The following KLF8 variants were observed in gnomAD, a reference collection of about 807,000 sequenced individuals.
The protein encoded by KLF8 is KLF transcription factor 8.
A neutral mutation model predicts 18.2 loss-of-function variants in KLF8; 10 were observed. The observed-to-expected ratio is 0.55, with a 90% confidence interval of 0.34 to 0.93. The LOEUF (loss-of-function observed/expected upper bound fraction) is 0.93, where lower values mean the gene tolerates loss of function less well. Among genes scored for constraint, KLF8 ranks in the 40% least tolerant of loss-of-function variants. KLF8 has a pLI of 0.02. For synonymous variants in KLF8, 109 were observed against 97.3 expected (o/e 1.12, Z -0.71); for missense variants, 264 against 277.9 (o/e 0.95, Z 0.36).
In KLF8 at chrX:56,289,602, G is replaced by A. The variant is rs1304037180; in HGVS notation, c.*5108G>A. Reference sequence around the variant, plus strand: ...GTTTTCAACTCTAACCTGTTACCACGTGAATCATTCTAGCTTCTTCCTGTT... The same window carrying A: ...GTTTTCAACTCTAACCTGTTACCACATGAATCATTCTAGCTTCTTCCTGTT... On this transcript the variant is annotated 3_prime_UTR_variant, in exon 6 of 6. Transcript: ENST00000468660. 1.8e-5 allele frequency among the ~76,000 whole-genome samples: 2 copies of A among 111,319 alleles called. No homozygotes were observed. Among genetic ancestry groups the A allele is most frequent in the African/African-American group, 3.3e-5 (1 of 30,643 alleles).
the KLF8 span, among the ~76,000 whole-genome samples, chrX:56,174,142 A>G: frequency 9.0e-6 from 1 of 111,383 alleles, no homozygotes; most frequent in Non-Finnish European, 1.9e-5. Flanking sequence ...ATTTAATAGG[A>G]GTGGTGAGAG....
the KLF8 span, among the ~76,000 whole-genome samples, chrX:55,955,680 C>T: frequency 9.0e-6 from 1 of 111,172 alleles, no homozygotes; most frequent in Non-Finnish European, 1.9e-5. Context: ...CTCAGCATTT[C>T]GTTAGGTTCT....
the KLF8 span, among the ~76,000 whole-genome samples, chrX:56,169,518 G>T: frequency 9.0e-6 from 1 of 110,817 alleles, no homozygotes; most frequent in African/African-American, 3.3e-5. Context: ...GCTGACTGAA[G>T]AGCCTTAAGA....
At chrX:56,039,668 C>T in the KLF8 span, among the ~76,000 whole-genome samples, 4 of 111,472 alleles carry the variant, frequency 3.6e-5, no homozygotes, top group African/African-American at 6.5e-5. Flanking sequence ...AGCATGATGC[C>T]CCCAGTTTTG....
At chrX:55,974,597 A>C in the KLF8 span, among the ~76,000 whole-genome samples, 28 of 112,493 alleles carry the variant, frequency 2.5e-4, no homozygotes, top group Admixed American at 2.4e-3. Context: ...TCAGATAAAT[A>C]AATATTTGCT....
At chrX:56,109,037 T>C in the KLF8 span, among the ~76,000 whole-genome samples, 1 of 111,700 alleles carries the variant, frequency 9.0e-6, no homozygotes, top group Non-Finnish European at 1.9e-5. Flanking sequence ...CATTTCATTG[T>C]CGCCAGAGAT....
intron 5 of KLF8, among the ~76,000 whole-genome samples, chrX:56,274,873 T>C (rs1184958978): frequency 8.9e-6 from 1 of 112,115 alleles, no homozygotes; most frequent in Non-Finnish European, 1.9e-5. Context: ...GTGTCTGTTA[T>C]ATGCCAGCAG....
At chrX:56,081,588 T>G in the KLF8 span, among the ~76,000 whole-genome samples, 9,084 of 111,915 alleles carry the variant, frequency 0.081, 896 homozygotes, top group African/African-American at 0.28. Flanking sequence ...GTCTTTCACT[T>G]TTGTGTATGA....
chrX:56,197,320 G>A, the KLF8 span, among the ~76,000 whole-genome samples: 1 of 110,192 alleles, frequency 9.1e-6, no homozygotes, highest in African/African-American at 3.3e-5. Context: ...TTTTTGAAAA[G>A]ATCAACAAAA....
the KLF8 span, among the ~76,000 whole-genome samples, chrX:56,008,405 C>T: frequency 9.0e-6 from 1 of 111,020 alleles, no homozygotes; most frequent in African/African-American, 3.3e-5. Context: ...GGACTGATGG[C>T]CCACCCGGGA....
the KLF8 span, among the ~76,000 whole-genome samples, chrX:55,952,615 A>T: frequency 1.8e-5 from 2 of 112,068 alleles, no homozygotes; most frequent in Admixed American, 1.9e-4. Context: ...TGGGTAATCT[A>T]GGATAATTTG....
At chrX:56,092,998 C>A in the KLF8 span, among the ~76,000 whole-genome samples, 5 of 94,861 alleles carry the variant, frequency 5.3e-5, no homozygotes, top group Admixed American at 1.2e-4. Flanking sequence ...AACTTAAATG[C>A]AAAGAAGAAA....
At chrX:56,071,425 T>C in the KLF8 span, among the ~76,000 whole-genome samples, 1 of 111,190 alleles carries the variant, frequency 9.0e-6, no homozygotes, top group African/African-American at 3.3e-5. Flanking sequence ...ATAAAATAAA[T>C]TATATTAGTG....
At chrX:55,986,289 T>G in the KLF8 span, among the ~76,000 whole-genome samples, 5 of 112,147 alleles carry the variant, frequency 4.5e-5, no homozygotes, top group Non-Finnish European at 9.4e-5. Context: ...TAAATGGCTC[T>G]TATAAATTTG....
At chrX:55,966,718 C>A in the KLF8 span, among the ~76,000 whole-genome samples, 1 of 111,631 alleles carries the variant, frequency 9.0e-6, no homozygotes, top group East Asian at 2.8e-4. Flanking sequence ...TTTGCAGTCA[C>A]TGATGAACAT....
At chrX:56,009,315 G>A in the KLF8 span, among the ~76,000 whole-genome samples, 9,435 of 110,905 alleles carry the variant, frequency 0.085, 994 homozygotes, top group African/African-American at 0.3. Flanking sequence ...AGGTGAATAG[G>A]TTCTGGAGTG....
chrX:56,076,800 A>C, the KLF8 span, among the ~76,000 whole-genome samples: 29 of 111,418 alleles, frequency 2.6e-4, no homozygotes, highest in African/African-American at 9.5e-4. Flanking sequence ...TCTCCAGCAC[A>C]TGTTGTTTCC....
At chrX:56,232,271 G>C (rs1304135571), upstream of KLF8, 1 of 111,648 alleles carries the variant, frequency 9.0e-6, no homozygotes, top group Non-Finnish European at 1.9e-5. Context: ...CCGGAGGCGA[G>C]GCCAGCTCTG....
At chrX:56,078,343 T>C in the KLF8 span, among the ~76,000 whole-genome samples, 6 of 112,400 alleles carry the variant, frequency 5.3e-5, no homozygotes, top group African/African-American at 1.9e-4. Context: ...TGAGAGTTTT[T>C]AGCATGAAGT....
Sources: allele counts gnomAD v4.1 joint callset (sites outside exome capture counted in the v4.1 genomes callset), GRCh38; gene constraint gnomAD v4.1.1; transcripts MANE v1.5; gene names NCBI Gene and HGNC (gene_info 2026-07-23, HGNC 2026-07-21).